CACNA1E: variants seen among roughly 807,000 people sequenced by gnomAD.
CACNA1E encodes the protein calcium voltage-gated channel subunit alpha1 E.
In CACNA1E, 40 loss-of-function variants were observed where a neutral mutation model predicts 259.2. The observed-to-expected ratio is 0.15, with a 90% CI of 0.12 to 0.20. The LOEUF is 0.20. Among genes scored for constraint, CACNA1E ranks in the 10% least tolerant of loss-of-function variants. The probability of loss-of-function intolerance (pLI) is 1.00; values close to 1 mark genes in which losing one functional copy is unlikely to be tolerated. For synonymous variants in CACNA1E, 1,104 were observed against 1,138.5 expected, an observed-to-expected ratio of 0.97 and a Z score of 0.61; for missense variants, 1,874 against 3,040.1, an observed-to-expected ratio of 0.62 and a Z score of 9.02.
At chr1:181,547,762 ATTATAGCT>A (rs1647657872) in intron 3 of CACNA1E, among the ~76,000 whole-genome samples, 1 of 152,220 alleles carries the variant, frequency 6.6e-6, no homozygotes, top group Non-Finnish European at 1.5e-5. Flanking sequence ...TTAGCACTTT[ATTATAGCT>A]TGTTCTCATT....
intron 6 of CACNA1E, among the ~76,000 whole-genome samples, chr1:181,640,307 C>T (rs906445334): frequency 6.6e-6 from 1 of 152,146 alleles, no homozygotes; most frequent in Non-Finnish European, 1.5e-5. Context: ...GTAGGACTGA[C>T]GTTTCATTAT....
intron 1 of CACNA1E, among the ~76,000 whole-genome samples, chr1:181,398,327 G>A (rs1396934531): frequency 1.3e-5 from 2 of 152,092 alleles, no homozygotes; most frequent in Non-Finnish European, 2.9e-5. Context: ...CCTATTTTTG[G>A]TGCCAAAACC....
chr1:181,532,836 T>G (rs111519204), intron 3 of CACNA1E, among the ~76,000 whole-genome samples: 1,914 of 152,364 alleles, frequency 0.013, 43 homozygotes, highest in African/African-American at 0.042. Flanking sequence ...ACTACGCTAA[T>G]TTTATTTCCT....
chr1:181,663,871 A>G (rs1358583291), intron 7 of CACNA1E, among the ~76,000 whole-genome samples: 3 of 152,146 alleles, frequency 2.0e-5, no homozygotes, highest in Non-Finnish European at 2.9e-5. Flanking sequence ...TTTCATATGA[A>G]CTTAGATTAT....
chr1:181,470,638 G>T (rs1164723707), intron 2 of CACNA1E, among the ~76,000 whole-genome samples: 1 of 152,128 alleles, frequency 6.6e-6, no homozygotes, highest in Non-Finnish European at 1.5e-5. Context: ...TTTTGTCTGT[G>T]CCATCTTGTT....
Position 181,483,655 on chromosome 1 carries a change from T to G in CACNA1E, c.-90T>G. On this transcript the variant is annotated 5_prime_UTR_variant, in exon 1 of 48. It removes the in-frame stop codon of an upstream open reading frame in the 5' UTR. Transcript: ENST00000367573. ...CCCCGTGCTTGTCTGGATGCGGCTC[T>G]GAGTCTCCGTGTGTCTTTCTGCTTG... 1.1e-6 allele frequency: 1 copy of G among 884,898 alleles called. No individual in the cohort carries two copies. The highest frequency in any genetic ancestry group is 1.6e-6 in the Non-Finnish European group (1 of 606,784). The allele number at this position is 884,898 out of a possible 1,614,324, so 54.8% of individuals were successfully genotyped here.
intron 2 of CACNA1E, among the ~76,000 whole-genome samples, chr1:181,447,806 G>A (rs558313052): frequency 3.3e-5 from 5 of 152,286 alleles, no homozygotes; most frequent in Admixed American, 3.3e-4. Flanking sequence ...TGGCTGTAGG[G>A]TCGCAGTTTC....
chr1:181,552,856 T>C (rs1485802880), intron 3 of CACNA1E, among the ~76,000 whole-genome samples: 5 of 152,140 alleles, frequency 3.3e-5, no homozygotes, highest in Non-Finnish European at 7.3e-5. Context: ...CATTGGTCTG[T>C]ATATCTGTTT....
rs1440912037 is a variant in CACNA1E, at chr1:181,580,794, G to A, written c.951+18G>A. On this transcript the variant is annotated intron_variant, in intron 6 of 47. Transcript: ENST00000367573. ...TGTACAATGTGAGTAGAGCTGGTGG[G>A]GACCTGGAAGGAGGAGGGAAGAACC... 7 of 1,611,926 alleles carry A rather than the reference G, an allele frequency of 4.3e-6. No individual in the cohort carries two copies. Among genetic ancestry groups the A allele is most frequent in the African/African-American group, 4.0e-5 (3 of 75,020 alleles).
intron 43 of CACNA1E, among the ~76,000 whole-genome samples, chr1:181,788,068 C>T (rs1356280941): frequency 6.6e-6 from 1 of 152,154 alleles, no homozygotes; most frequent in Non-Finnish European, 1.5e-5. Context: ...GCAGGAACAC[C>T]ATTTCGTAGG....
At chr1:181,392,295 C>G (rs1025323918) in intron 1 of CACNA1E, among the ~76,000 whole-genome samples, 1 of 152,170 alleles carries the variant, frequency 6.6e-6, no homozygotes, top group Non-Finnish European at 1.5e-5. Flanking sequence ...ATGTAAGATT[C>G]CTTTCATTCA....
chr1:181,494,647 A>G (rs766157564), intron 1 of CACNA1E, among the ~76,000 whole-genome samples: 12 of 152,188 alleles, frequency 7.9e-5, no homozygotes, highest in Admixed American at 6.5e-5. Context: ...CTGAAGCTAA[A>G]GAAGATTAAA....
chr1:181,687,587 A>G (rs1174873772), intron 7 of CACNA1E, among the ~76,000 whole-genome samples: 2 of 152,126 alleles, frequency 1.3e-5, no homozygotes, highest in Admixed American at 1.3e-4. Context: ...ATGGCTTCTG[A>G]GTGATTTTAT....
Position 181,731,578 on chromosome 1 carries a change from G to A in CACNA1E, c.2297+347G>A, listed in dbSNP as rs530278111. ...CGAGGATGCGTGTGGGTACATGCGC[G>A]TGTCCCCTTCACAGTTTGTAGGTGT... On this transcript the variant is annotated intron_variant, in intron 19 of 47. Transcript: ENST00000367573. 1.9e-4 allele frequency among the ~76,000 whole-genome samples: 29 copies of A among 152,274 alleles called. 1 individual carries two copies. In the South Asian group the frequency reaches 4.1e-3, roughly 22 times the overall value.
rs902985979 is a variant in CACNA1E, at chr1:181,802,587, C to A, written c.*3753C>A. The A allele has an allele frequency of 2.6e-5, 4 of 152,134 alleles. No homozygotes were observed. Among genetic ancestry groups the A allele is most frequent in the Non-Finnish European group, 5.9e-5 (4 of 68,056 alleles). The allele number at this position is 152,134 out of a possible 1,614,324, so 9.4% of individuals were successfully genotyped here. ...TTATTTGCTTGCCTGACTGACTCCA[C>A]CACTCTCTCAGCTATGGGGGAATAT... is the stretch of plus-strand genomic sequence containing the variant. On this transcript the variant is annotated 3_prime_UTR_variant, in exon 48 of 48. Transcript: ENST00000367573.
chr1:181,327,567 G>A (rs2804709), intron 1 of CACNA1E, among the ~76,000 whole-genome samples: 2,741 of 152,272 alleles, frequency 0.018, 66 homozygotes, highest in African/African-American at 0.06. Context: ...GGTGAAGACT[G>A]TATTTCAGTT....
chr1:181,779,517 GC>G, intron 38 of CACNA1E: 3 of 454,470 alleles, frequency 6.6e-6, no homozygotes, highest in Non-Finnish European at 1.3e-5. Flanking sequence ...GGAGAGAACT[GC>G]CCCTACAGGG....
intron 3 of CACNA1E, among the ~76,000 whole-genome samples, chr1:181,512,072 A>G (rs941257876): frequency 1.3e-5 from 2 of 152,278 alleles, no homozygotes; most frequent in African/African-American, 4.8e-5. Flanking sequence ...ATTCTGTGGA[A>G]ATTAATATAG....
At chr1:181,771,066 G>A (rs1038729868) in intron 35 of CACNA1E, among the ~76,000 whole-genome samples, 5 of 152,148 alleles carry the variant, frequency 3.3e-5, no homozygotes, top group Admixed American at 6.5e-5. Context: ...CGTTATGCTT[G>A]GACCTTGCTG....
Sources: allele counts gnomAD v4.1 joint callset (sites outside exome capture counted in the v4.1 genomes callset), GRCh38; gene constraint gnomAD v4.1.1; transcripts MANE v1.5; gene names NCBI Gene and HGNC (gene_info 2026-07-23, HGNC 2026-07-21).